ARID2: variants seen among roughly 807,000 people sequenced by gnomAD.
The protein encoded by ARID2 is AT-rich interaction domain 2, also known as AT-rich interactive domain-containing protein 2.
A neutral mutation model predicts 184.6 loss-of-function variants in ARID2; 32 were observed. That is an observed-to-expected ratio of 0.17 (90% CI 0.13 to 0.23). ARID2 has a LOEUF of 0.23. ARID2 is among the 10% of genes least tolerant of loss of function. The pLI is 1.00. For missense variants in ARID2, 1,696 were observed against 2,197.6 expected (o/e 0.77, Z 4.56); for synonymous variants, 836 against 772.6 (o/e 1.08, Z -1.36).
chr12:45,751,519 A>C (rs560156294), intron 3 of ARID2, among the ~76,000 whole-genome samples: 1 of 152,234 alleles, frequency 6.6e-6, no homozygotes, highest in Non-Finnish European at 1.5e-5. Context: ...TAGATGTTGC[A>C]TGCTCAAGGG....
intron 3 of ARID2, among the ~76,000 whole-genome samples, chr12:45,746,496 T>C (rs2137986810): frequency 6.6e-6 from 1 of 152,302 alleles, no homozygotes; most frequent in South Asian, 2.1e-4. Context: ...CTAAAGTTTT[T>C]TTTTTAAGTA....
chr12:45,892,213 T>C, intron 18 of ARID2, 117 bp downstream of exon 18: 1 of 974,560 alleles, frequency 1.0e-6, no homozygotes, highest in Non-Finnish European at 1.5e-6. Flanking sequence ...CTAGTCCAGC[T>C]CTGCCATGAA....
chr12:45,770,372 C>G (rs556448063), intron 3 of ARID2, among the ~76,000 whole-genome samples: 1 of 152,068 alleles, frequency 6.6e-6, no homozygotes, highest in Non-Finnish European at 1.5e-5. Context: ...TTTTTGGCCC[C>G]TTTGCCAGGG....
At chr12:45,746,101 T>C (rs1186435273) in intron 3 of ARID2, among the ~76,000 whole-genome samples, 6 of 96,982 alleles carry the variant, frequency 6.2e-5, no homozygotes. Context: ...TCTGGTTTGA[T>C]TTTTTTTTTT....
chr12:45,848,801 A>G (rs1943487881), intron 12 of ARID2, 35 bp from the exon 13 acceptor site: 2 of 1,572,364 alleles, frequency 1.3e-6, no homozygotes, highest in African/African-American at 1.4e-5. Flanking sequence ...TTCCTAGAGT[A>G]TATTGTATAA....
intron 3 of ARID2, among the ~76,000 whole-genome samples, chr12:45,774,132 G>A (rs949770073): frequency 2.0e-5 from 3 of 151,992 alleles, no homozygotes; most frequent in Admixed American, 6.6e-5. Flanking sequence ...TATTGAATCC[G>A]AATTTATTTA....
At chr12:45,823,722 C>A (rs116965126) in intron 6 of ARID2, among the ~76,000 whole-genome samples, 8 of 152,126 alleles carry the variant, frequency 5.3e-5, no homozygotes, top group African/African-American at 1.7e-4. Context: ...ACATACAACC[C>A]ATCAAGATTG....
At chr12:45,854,285 A>G (rs544106794) in intron 15 of ARID2, among the ~76,000 whole-genome samples, 5 of 152,318 alleles carry the variant, frequency 3.3e-5, no homozygotes, top group Non-Finnish European at 7.3e-5. Flanking sequence ...AATAATAGAA[A>G]TAAAGTGCTT....
chr12:45,773,690 A>G (rs1330614278), intron 3 of ARID2, among the ~76,000 whole-genome samples: 1 of 152,202 alleles, frequency 6.6e-6, no homozygotes, highest in East Asian at 1.9e-4. Context: ...ACTTAAAAAA[A>G]AAAGACAATG....
At chr12:45,810,766 T>TA (rs772720618) in intron 3 of ARID2, among the ~76,000 whole-genome samples, 2 of 152,224 alleles carry the variant, frequency 1.3e-5, no homozygotes, top group Non-Finnish European at 2.9e-5. Context: ...CTAATTTTCA[T>TA]ATTGTTTTTA....
chr12:45,822,574 A>T (rs905896717), intron 6 of ARID2, among the ~76,000 whole-genome samples: 1 of 152,054 alleles, frequency 6.6e-6, no homozygotes, highest in Non-Finnish European at 1.5e-5. Flanking sequence ...AATAAATAAA[A>T]AATAAAATGA....
intron 4 of ARID2, among the ~76,000 whole-genome samples, chr12:45,812,036 A>G (rs1942719097): frequency 6.6e-6 from 1 of 151,332 alleles, no homozygotes; most frequent in Admixed American, 6.6e-5. Context: ...AGGAATCCAC[A>G]GCTTGAAAAA....
chr12:45,798,508 G>A (rs1942434622), intron 3 of ARID2, among the ~76,000 whole-genome samples: 1 of 152,264 alleles, frequency 6.6e-6, no homozygotes, highest in East Asian at 1.9e-4. Flanking sequence ...CTGGACAAGG[G>A]TGTTATCTGT....
intron 3 of ARID2, among the ~76,000 whole-genome samples, chr12:45,810,059 G>C (rs139789702): frequency 6.6e-6 from 1 of 152,300 alleles, no homozygotes; most frequent in African/African-American, 2.4e-5. Context: ...CACCTGCCTA[G>C]ATCAGGAATG....
chr12:45,756,854 G>A (rs1024636079), intron 3 of ARID2, among the ~76,000 whole-genome samples: 3 of 152,138 alleles, frequency 2.0e-5, no homozygotes, highest in Non-Finnish European at 4.4e-5. Context: ...AGCTGGCATA[G>A]TGCCACTGCA....
At position 45,850,389 on chromosome 12, in the gene ARID2, G is replaced by A. The variant is rs2138161500; in HGVS notation, c.2266G>A (p.Val756Ile). The A allele has an allele frequency of 6.2e-7, 1 of 1,614,106 alleles. No homozygotes were observed. Among genetic ancestry groups the A allele is most frequent in the Non-Finnish European group, 8.5e-7 (1 of 1,179,994 alleles). The part of the protein sequence containing the change: ...NHSTGPQPVT[V>I]VNSQTLLHHP... ...TAGTACAGGGCCACAACCTGTTACA[G>A]TTGTGAATTCTCAGACATTGCTTCA... The change falls in exon 15 of 21, where the codon GTT (valine) becomes ATT (isoleucine). Residue 756 changes from valine (V) to isoleucine (I), a missense_variant. Physicochemically the swap from Val to Ile is conservative, Grantham distance 29. Around this residue, in one of 11 missense-constraint regions of ARID2, gnomAD observed 713 missense variants for 824.4 expected, o/e 0.86. Transcript: ENST00000334344.
intron 16 of ARID2, among the ~76,000 whole-genome samples, chr12:45,885,675 GGCAGGCC>G (rs1315000520): frequency 6.6e-6 from 1 of 152,160 alleles, no homozygotes; most frequent in African/African-American, 2.4e-5. Context: ...TGCAGGGCTG[GGCAGGCC>G]TCAGGAAACT....
intron 16 of ARID2, among the ~76,000 whole-genome samples, chr12:45,884,886 A>G (rs17096298): frequency 3.3e-5 from 5 of 152,136 alleles, no homozygotes; most frequent in African/African-American, 9.7e-5. Flanking sequence ...GTTCCCACCT[A>G]TGACTTTTAA....
Position 45,905,292 on chromosome 12 carries a change from AAAAG to A in ARID2, c.*217_*220del. ...ATCTAAAAAGAAAAAGGAAAAAAAA[AAAAG>A]AACTGCTGTGGGATTGTCAACCAGC... On this transcript the variant is annotated 3_prime_UTR_variant, in exon 21 of 21. Coordinates refer to ENST00000334344, the MANE Select transcript of ARID2 (RefSeq NM_152641.4). The A allele has an allele frequency of 2.3e-6, 1 of 442,650 alleles. No individual in the cohort carries two copies. The highest frequency in any genetic ancestry group is 3.9e-6 in the Non-Finnish European group (1 of 257,954). The allele number at this position is 442,650 out of a possible 1,614,324, so 27.4% of individuals were successfully genotyped here.
Sources: gnomAD v4.1 joint callset for allele counts (sites outside exome capture counted in the v4.1 genomes callset) on GRCh38, gnomAD v4.1.1 for gene constraint, gnomAD v4.1.1 regional missense constraint, MANE v1.5 for transcripts, NCBI Gene and HGNC (gene_info 2026-07-23, HGNC 2026-07-21) for gene names.